PHF21A: variants seen among roughly 807,000 people sequenced by gnomAD.
PHF21A encodes PHD finger protein 21A, also known as BHC80a.
A neutral mutation model predicts 82.5 loss-of-function variants in PHF21A; 11 were observed. The ratio of observed to expected loss-of-function variants is 0.13; its 90% CI spans 0.08 to 0.22. The LOEUF (loss-of-function observed/expected upper bound fraction) is 0.22, where lower values mean the gene tolerates loss of function less well. PHF21A is among the 10% of genes least tolerant of loss of function. The pLI, the probability that PHF21A is intolerant of heterozygous loss-of-function variation, is 1.00. For synonymous variants in PHF21A, 297 were observed against 302.8 expected, an observed-to-expected ratio of 0.98 and a Z score of 0.20; for missense variants, 579 against 837.8, an observed-to-expected ratio of 0.69 and a Z score of 3.81.
chr11:46,119,939 G>C (rs1020074384), intron 1 of PHF21A: 6 of 146,254 alleles, frequency 4.1e-5, no homozygotes, highest in African/African-American at 1.5e-4. Flanking sequence ...GGAGCGGCCT[G>C]TCCGCCCCGG....
intron 6 of PHF21A, among the ~76,000 whole-genome samples, chr11:46,070,214 T>G (rs1033005957): frequency 1.1e-4 from 17 of 152,178 alleles, no homozygotes; most frequent in African/African-American, 3.6e-4. Context: ...AATCTTGTAT[T>G]AAAATATATT....
At chr11:46,030,803 C>G (rs2095847369) in intron 6 of PHF21A, among the ~76,000 whole-genome samples, 1 of 146,726 alleles carries the variant, frequency 6.8e-6, no homozygotes, top group Admixed American at 6.9e-5. Flanking sequence ...TTCTAAACCA[C>G]ATAGTGTGTG....
Position 46,121,055 on chromosome 11 carries a change from C to T in PHF21A, c.-357G>A. Reference sequence around the variant, plus strand: ...TGGGGAGGGAGGGAAGAAGCTGGAGCTGCTGCTGCTGCTTCTGCTGCTGCT... The same window carrying T: ...TGGGGAGGGAGGGAAGAAGCTGGAGTTGCTGCTGCTGCTTCTGCTGCTGCT... On this transcript the variant is annotated 5_prime_UTR_variant, in exon 1 of 19. Transcript: ENST00000676320. 6.4e-6 allele frequency: 1 copy of T among 155,634 alleles called. No homozygotes were observed. The highest frequency in any genetic ancestry group is 1.4e-5 in the Non-Finnish European group (1 of 70,918). The allele number at this position is 155,634 out of a possible 1,614,324, so 9.6% of individuals were successfully genotyped here. A position where few individuals can be genotyped will look rare whatever the true frequency, so the allele number is the denominator to read the frequency against.
rs1039984558 is a variant in PHF21A, at chr11:46,060,847, C to T, written c.153+15907G>A. Among the ~76,000 whole-genome samples the T allele has an allele frequency of 2.0e-5, 3 of 152,124 alleles. No individual in the cohort carries two copies. In the East Asian group the frequency reaches 5.8e-4, roughly 29 times the overall value. ...TTTGGATCCCATTTGTCAATTTTTG[C>T]TCAATTGCTTTTGCACCTTCATCGT... On this transcript the variant is annotated intron_variant, in intron 6 of 18. Transcript: ENST00000676320.
At chr11:45,963,496 T>C (rs1266277495) in intron 10 of PHF21A, among the ~76,000 whole-genome samples, 1 of 151,854 alleles carries the variant, frequency 6.6e-6, no homozygotes, top group African/African-American at 2.4e-5. Context: ...AATTAACTCC[T>C]GGGGGTAAAA....
intron 18 of PHF21A, chr11:45,934,476 C>T (rs1274816842): frequency 6.1e-6 from 3 of 493,958 alleles, no homozygotes; most frequent in Non-Finnish European, 1.1e-5. Context: ...ATGCGGGCAC[C>T]AACACACAGG....
In PHF21A at chr11:45,987,660, C is replaced by CAAAAAA. The variant is rs71038877; in HGVS notation, c.154-7700_154-7695dup. On this transcript the variant is annotated intron_variant, in intron 6 of 18. Coordinates refer to ENST00000676320, the MANE Select transcript of PHF21A (RefSeq NM_001352027.3). ...TGGGTGACAGAGCAAGACCCCGTCT[C>CAAAAAA]AAAAAAAAAAAAAAAAAAAAAAAAA... Among the ~76,000 whole-genome samples, 4 of 34,912 alleles carry CAAAAAA rather than the reference C, an allele frequency of 1.1e-4. 1 individual carries two copies. The highest frequency in any genetic ancestry group is 4.8e-4 in the African/African-American group (3 of 6,308). 22.9% of individuals were successfully genotyped at this position (34,912 alleles called of 152,430 possible).
chr11:46,039,288 G>A (rs2096075764), intron 6 of PHF21A, among the ~76,000 whole-genome samples: 1 of 152,148 alleles, frequency 6.6e-6, no homozygotes, highest in Non-Finnish European at 1.5e-5. Flanking sequence ...CGATTACTCA[G>A]CTTCATTCCC....
chr11:45,936,640 G>C, intron 16 of PHF21A, 71 bp from the exon 17 acceptor site: 2 of 951,872 alleles, frequency 2.1e-6, no homozygotes, highest in Non-Finnish European at 3.4e-6. Flanking sequence ...ACAGCTAGCA[G>C]TGGTATCTGT....
intron 1 of PHF21A, chr11:46,117,434 A>C (rs1268935697): frequency 6.6e-6 from 1 of 152,252 alleles, no homozygotes; most frequent in Non-Finnish European, 1.5e-5. Context: ...CCACTGATAC[A>C]ACTTGACTTA....
At chr11:46,115,504 A>C (rs1198967513) in intron 1 of PHF21A, among the ~76,000 whole-genome samples, 1 of 152,224 alleles carries the variant, frequency 6.6e-6, no homozygotes, top group Non-Finnish European at 1.5e-5. Flanking sequence ...ATTCAATGCA[A>C]TGTTAACATA....
chr11:46,080,764 C>T (rs1223554391), intron 4 of PHF21A, among the ~76,000 whole-genome samples: 1 of 152,086 alleles, frequency 6.6e-6, no homozygotes, highest in South Asian at 2.1e-4. Flanking sequence ...AACTCCTGGG[C>T]TTCAGCAATC....
intron 6 of PHF21A, among the ~76,000 whole-genome samples, chr11:46,001,447 C>A (rs2095128179): frequency 6.6e-6 from 1 of 151,610 alleles, no homozygotes; most frequent in Non-Finnish European, 1.5e-5. Context: ...ATTGATATAA[C>A]CTAGGAAATA....
rs1181996858 is a variant in PHF21A at position 45,933,418 on chromosome 11, C to T, written c.*550G>A. The T allele has an allele frequency of 6.5e-6, 1 of 152,758 alleles. No homozygotes were observed. Among genetic ancestry groups the T allele is most frequent in the African/African-American group, 2.4e-5 (1 of 41,446 alleles). 9.5% of individuals were successfully genotyped at this position (152,758 alleles called of 1,614,324 possible). A position where few individuals can be genotyped will look rare whatever the true frequency, so the allele number is the denominator to read the frequency against. ...TTGATACACTGTCCCACCCCCTGCT[C>T]CCTCCAGCCACTCCCCTTCCCTCTT... On this transcript the variant is annotated 3_prime_UTR_variant, in exon 19 of 19. Coordinates refer to ENST00000676320, the MANE Select transcript of PHF21A (RefSeq NM_001352027.3).
chr11:45,981,694 T>C lies in PHF21A; in HGVS notation c.154-1728A>G, dbSNP rs550662994. Among the ~76,000 whole-genome samples, 3 of 152,216 alleles carry C rather than the reference T, an allele frequency of 2.0e-5. No homozygotes were observed. The South Asian group carries it at 6.2e-4, about 32-fold the overall frequency. ...TTATGAATGAAGAAAAAGAAGTGAA[T>C]GAAGAGCTTTAAATAGTTAGATGAA... is the stretch of plus-strand genomic sequence containing the variant. On this transcript the variant is annotated intron_variant, in intron 6 of 18. Coordinates refer to ENST00000676320, the MANE Select transcript of PHF21A (RefSeq NM_001352027.3).
chr11:45,938,841 T>C (rs902693532), intron 15 of PHF21A, among the ~76,000 whole-genome samples: 1 of 151,714 alleles, frequency 6.6e-6, no homozygotes, highest in African/African-American at 2.4e-5. Flanking sequence ...TGTATTCTTT[T>C]TTTTTTTTTT....
intron 6 of PHF21A, among the ~76,000 whole-genome samples, chr11:46,030,268 G>C (rs777233913): frequency 6.6e-5 from 10 of 152,192 alleles, no homozygotes; most frequent in Non-Finnish European, 1.5e-4. Context: ...CTTTAAAAGG[G>C]TGTCAAGACA....
chr11:46,085,001 TCA>T (rs1343419860), intron 3 of PHF21A, among the ~76,000 whole-genome samples: 3 of 151,520 alleles, frequency 2.0e-5, no homozygotes, highest in East Asian at 1.9e-4. Context: ...TTTTTAAACT[TCA>T]CACAGAGTGG....
At chr11:46,076,922 G>A (rs577995725) in intron 5 of PHF21A, 103 bp from the exon 6 acceptor site, 108 of 856,820 alleles carry the variant, frequency 1.3e-4, no homozygotes, top group Admixed American at 2.8e-4. Context: ...GAAGCAACCC[G>A]AAGCATTTAG....
Sources: gnomAD v4.1 joint callset for allele counts (sites outside exome capture counted in the v4.1 genomes callset) on GRCh38, gnomAD v4.1.1 for gene constraint, MANE v1.5 for transcripts, NCBI Gene and HGNC (gene_info 2026-07-23, HGNC 2026-07-21) for gene names.